C9: variants seen among roughly 807,000 people sequenced by gnomAD.
C9 encodes complement component C9.
Under a neutral mutation model 65.4 loss-of-function variants are expected in C9, and 63 were observed. The ratio of observed to expected loss-of-function variants is 0.96; its 90% CI spans 0.79 to 1.19. The LOEUF (loss-of-function observed/expected upper bound fraction) is 1.19. C9 is among the 50% of genes most tolerant of loss of function. The probability of loss-of-function intolerance (pLI) is 0.00; values close to 1 mark genes in which losing one functional copy is unlikely to be tolerated. For missense variants in C9, 744 were observed against 670.1 expected (o/e 1.11, Z -1.22); for synonymous variants, 229 against 227.9 (o/e 1.00, Z -0.04).
At position 39,315,649 on chromosome 5, in the gene C9, G is replaced by A. The variant is rs1252248166; in HGVS notation, c.870+126C>T. On this transcript the variant is annotated intron_variant, in intron 6 of 10. Transcript: ENST00000263408. Reference sequence around the variant, plus strand: ...AGTTAGTATTCTTTCTGACGTGCTAGCTACATATTTGAGAATTTGATCCAT... The same window carrying A: ...AGTTAGTATTCTTTCTGACGTGCTAACTACATATTTGAGAATTTGATCCAT... The A allele has an allele frequency of 9.9e-6, 7 of 708,514 alleles. No individual in the cohort carries two copies. The East Asian group carries it at 1.6e-4, about 17-fold the overall frequency. The allele number at this position is 708,514 out of a possible 1,614,324, so 43.9% of individuals were successfully genotyped here.
At chr5:39,303,523 T>C (rs1337235049) in intron 9 of C9, among the ~76,000 whole-genome samples, 1 of 148,584 alleles carries the variant, frequency 6.7e-6, no homozygotes, top group Non-Finnish European at 1.5e-5. Context: ...TTTTATAGTA[T>C]TTTATAAATT....
intron 5 of C9, among the ~76,000 whole-genome samples, chr5:39,321,632 A>T (rs143718116): frequency 1.3e-5 from 2 of 151,956 alleles, no homozygotes; most frequent in African/African-American, 4.8e-5. Flanking sequence ...AAATGGATTA[A>T]AAAGCAGGTC....
intron 9 of C9, among the ~76,000 whole-genome samples, chr5:39,299,619 A>G (rs1430548667): frequency 6.6e-6 from 1 of 152,150 alleles, no homozygotes; most frequent in Non-Finnish European, 1.5e-5. Context: ...TTACGTGATT[A>G]CATTTATATG....
At chr5:39,338,127 C>T (rs1019181153) in intron 4 of C9, among the ~76,000 whole-genome samples, 3 of 152,104 alleles carry the variant, frequency 2.0e-5, no homozygotes, top group Admixed American at 6.6e-5. Context: ...GTTTTGAAAC[C>T]TCTTCCTAAA....
chr5:39,321,518 G>A (rs564093376), intron 5 of C9, among the ~76,000 whole-genome samples: 3 of 151,956 alleles, frequency 2.0e-5, no homozygotes, highest in South Asian at 4.2e-4. Flanking sequence ...TAGCCAGAAA[G>A]AACATACAAA....
intron 1 of C9, among the ~76,000 whole-genome samples, chr5:39,362,031 G>A (rs1333091660): frequency 6.6e-6 from 1 of 152,088 alleles, no homozygotes; most frequent in African/African-American, 2.4e-5. Context: ...CATGCGCCAG[G>A]CACAGATGTC....
intron 1 of C9, among the ~76,000 whole-genome samples, chr5:39,352,191 C>G: frequency 6.6e-6 from 1 of 152,170 alleles, no homozygotes; most frequent in Non-Finnish European, 1.5e-5. Context: ...ATCACAAGAA[C>G]AGCAAGGGGG....
intron 1 of C9, among the ~76,000 whole-genome samples, chr5:39,345,619 C>G (rs1054739865): frequency 1.3e-5 from 2 of 152,164 alleles, no homozygotes; most frequent in African/African-American, 4.8e-5. Context: ...ATCAGTGAGA[C>G]AGAAAGTTAA....
At chr5:39,359,960 A>G (rs543063696) in intron 1 of C9, among the ~76,000 whole-genome samples, 1 of 152,346 alleles carries the variant, frequency 6.6e-6, no homozygotes, top group Admixed American at 6.5e-5. Flanking sequence ...GGCCAAATGT[A>G]GTTCATAAAT....
At chr5:39,304,863 G>A (rs999932112) in intron 9 of C9, among the ~76,000 whole-genome samples, 10 of 152,168 alleles carry the variant, frequency 6.6e-5, no homozygotes, top group African/African-American at 1.4e-4. Context: ...CAAAGTTGAT[G>A]AGGGTCTTTG....
rs991502142 is a variant in C9 at position 39,285,231 on chromosome 5, A to G, written c.1648T>C (p.Leu550=). 3.1e-6 allele frequency: 5 copies of G among 1,611,964 alleles called. No homozygotes were observed. The highest frequency in any genetic ancestry group is 2.7e-5 in the African/African-American group (2 of 74,872). The part of the protein sequence containing the change: ...EISKQKISEG[L]PALEFPNEK ...TCATTGGGGAACTCTAGGGCTGGCA[A>G]TCCTAGAGAAAACAAATAAGTATCA... Residue 550 remains leucine (L), a splice_region_variant and synonymous_variant, in exon 11 of 11, where the codon TTG becomes CTG. Coordinates refer to ENST00000263408, the MANE Select transcript of C9 (RefSeq NM_001737.5).
rs548946772 is a variant in C9, at chr5:39,334,548, C to T, written c.477-2734G>A. On this transcript the variant is annotated intron_variant, in intron 4 of 10. Coordinates refer to ENST00000263408, the MANE Select transcript of C9 (RefSeq NM_001737.5). ...GGGTCAGCCCCCGCCAGGCCAGCCG[C>T]CCCGTCCGGGAGGGAGGTGGGGGGG... 1.7e-3 allele frequency among the ~76,000 whole-genome samples: 236 copies of T among 141,144 alleles called. 1 individual carries two copies. Among genetic ancestry groups the T allele is most frequent in the Middle Eastern group, 3.6e-3 (1 of 278 alleles). 92.6% of individuals were successfully genotyped at this position (141,144 alleles called of 152,430 possible).
Position 39,306,735 on chromosome 5 carries a change from G to A in C9, c.1298C>T (p.Thr433Ile). The A allele has an allele frequency of 6.2e-7, 1 of 1,612,396 alleles. No individual in the cohort carries two copies. The highest frequency in any genetic ancestry group is 8.5e-7 in the Non-Finnish European group (1 of 1,178,574). Residue 433 changes from threonine to isoleucine, a missense_variant, in exon 9 of 11, where the codon ACC becomes ATC. Physicochemically the swap from Thr to Ile is moderately conservative, Grantham distance 89. Transcript: ENST00000263408. The part of the protein sequence containing the change: ...DDVVSLIRGG[T>I]RKYAFELKEK... ...TTTCAGTTCAAATGCATATTTTCTG[G>A]TTCCACCTCTTATGAGTGAAACAAC... is the stretch of plus-strand genomic sequence containing the variant.
intron 1 of C9, among the ~76,000 whole-genome samples, chr5:39,344,626 A>C (rs939952028): frequency 6.6e-6 from 1 of 152,220 alleles, no homozygotes; most frequent in Non-Finnish European, 1.5e-5. Flanking sequence ...GAACTTCCCC[A>C]ACCTAGCACA....
At chr5:39,348,514 G>T (rs888824865) in intron 1 of C9, among the ~76,000 whole-genome samples, 13 of 152,274 alleles carry the variant, frequency 8.5e-5, no homozygotes, top group African/African-American at 3.1e-4. Context: ...TAAAAAGTCA[G>T]GAAACAACTG....
chr5:39,325,771 C>CA (rs34079563), intron 5 of C9, among the ~76,000 whole-genome samples: 16,273 of 92,244 alleles, frequency 0.18, 2,248 homozygotes, highest in African/African-American at 0.39. Flanking sequence ...GACTCCATCT[C>CA]AAAAAAAAAA....
In C9 at chr5:39,303,683, T is replaced by C. The variant is rs182237947; in HGVS notation, c.1416+2934A>G. ...GTTATTTCATTCAAGGTCATTTCTT[T>C]GTAATATTGAGAAAAAAATCAATTC... On this transcript the variant is annotated intron_variant, in intron 9 of 10. Coordinates refer to ENST00000263408, the MANE Select transcript of C9 (RefSeq NM_001737.5). Among the ~76,000 whole-genome samples the C allele has an allele frequency of 4.6e-5, 7 of 152,166 alleles. No individual in the cohort carries two copies. The East Asian group carries it at 1.2e-3, about 25-fold the overall frequency.
rs76820927 is a variant in C9, at chr5:39,354,489, C to T, written c.77+9899G>A. On this transcript the variant is annotated intron_variant, in intron 1 of 10. Coordinates refer to ENST00000263408, the MANE Select transcript of C9 (RefSeq NM_001737.5). ...AATGTTGAGAAACACTGCTTAGCAA[C>T]ATCTGGTGGAAATCCATGATATCTG... 5.9e-5 allele frequency among the ~76,000 whole-genome samples: 9 copies of T among 152,310 alleles called. No homozygotes were observed. In the East Asian group the frequency reaches 1.7e-3, roughly 29 times the overall value.
chr5:39,333,762 C>T (rs1461523106), intron 4 of C9, among the ~76,000 whole-genome samples: 1 of 152,098 alleles, frequency 6.6e-6, no homozygotes, highest in Non-Finnish European at 1.5e-5. Flanking sequence ...CAGGCGCGCA[C>T]CGCCACGCCT....
Sources: gnomAD v4.1 joint callset for allele counts (sites outside exome capture counted in the v4.1 genomes callset) on GRCh38, gnomAD v4.1.1 for gene constraint, MANE v1.5 for transcripts, NCBI Gene and HGNC (gene_info 2026-07-23, HGNC 2026-07-21) for gene names.